Variants in PTPRT observed in about 807,000 individuals in gnomAD.
PTPRT encodes the protein receptor-type tyrosine-protein phosphatase T.
PTPRT carries 56 observed loss-of-function variants against 176.8 expected under a neutral mutation model. The observed-to-expected ratio is 0.32, with a 90% CI of 0.26 to 0.40. The LOEUF is 0.40. Among genes scored for constraint, PTPRT ranks in the 10% least tolerant of loss-of-function variants. The pLI is 1.00. For missense variants in PTPRT, 1,540 were observed against 1,908.2 expected (o/e 0.81, Z 3.60); for synonymous variants, 783 against 739.0 (o/e 1.06, Z -0.96).
At chr20:42,508,964 G>T (rs948185303) in intron 7 of PTPRT, among the ~76,000 whole-genome samples, 11 of 125,738 alleles carry the variant, frequency 8.7e-5, no homozygotes, top group East Asian at 4.8e-4. Context: ...TTAATTTATA[G>T]ATATAAATTA....
chr20:42,511,302 AAAT>A (rs879515656), intron 7 of PTPRT, among the ~76,000 whole-genome samples: 4 of 152,178 alleles, frequency 2.6e-5, no homozygotes, highest in Non-Finnish European at 5.9e-5. Flanking sequence ...CCTGTTCTGC[AAAT>A]AATAATAAAC....
intron 1 of PTPRT, among the ~76,000 whole-genome samples, chr20:42,932,433 T>A (rs1407946345): frequency 6.6e-6 from 1 of 152,180 alleles, no homozygotes; most frequent in African/African-American, 2.4e-5. Flanking sequence ...AGAACTAAGC[T>A]GCAGCCCAGA....
At position 43,084,784 on chromosome 20, in the gene PTPRT, G is replaced by T. The variant is rs370313440; in HGVS notation, c.88+104862C>A. Among the ~76,000 whole-genome samples, 14 of 152,142 alleles carry T rather than the reference G, an allele frequency of 9.2e-5. No homozygotes were observed. In the South Asian group the frequency reaches 2.9e-3, roughly 32 times the overall value. On this transcript the variant is annotated intron_variant, in intron 1 of 30. Transcript: ENST00000373187. ...TATGTATATACCATATCTTAAGGGA[G>T]AAAAAAGAACAAAAATATCAGAAGG...
intron 9 of PTPRT, among the ~76,000 whole-genome samples, chr20:42,416,597 C>T (rs2059068654): frequency 1.3e-5 from 2 of 152,180 alleles, no homozygotes; most frequent in Non-Finnish European, 2.9e-5. Flanking sequence ...TGCAACCTGG[C>T]CCTATGCATA....
intron 1 of PTPRT, among the ~76,000 whole-genome samples, chr20:43,162,918 T>C (rs2014737947): frequency 6.6e-6 from 1 of 152,192 alleles, no homozygotes; most frequent in Non-Finnish European, 1.5e-5. Flanking sequence ...ACCATCTCCG[T>C]ATGGTGATAG....
chr20:42,251,226 T>C (rs1484703533), intron 13 of PTPRT, among the ~76,000 whole-genome samples: 1 of 152,196 alleles, frequency 6.6e-6, no homozygotes, highest in Non-Finnish European at 1.5e-5. Context: ...GTGTGCCTGC[T>C]ACCAGGTCCT....
At chr20:43,026,581 C>T (rs1340180492) in intron 1 of PTPRT, among the ~76,000 whole-genome samples, 4 of 152,126 alleles carry the variant, frequency 2.6e-5, no homozygotes, top group African/African-American at 9.7e-5. Context: ...AAGCATTTAG[C>T]CTTTGTGTTA....
intron 1 of PTPRT, among the ~76,000 whole-genome samples, chr20:43,005,576 T>C (rs1984811051): frequency 1.3e-5 from 2 of 152,194 alleles, no homozygotes; most frequent in African/African-American, 2.4e-5. Context: ...GAATTGGCCA[T>C]ACTTTGTGCA....
intron 8 of PTPRT, among the ~76,000 whole-genome samples, chr20:42,470,809 G>A (rs571310503): frequency 1.3e-5 from 2 of 151,968 alleles, no homozygotes; most frequent in African/African-American, 4.8e-5. Context: ...CATGGGTAAG[G>A]ACAGAGAGGC....
At chr20:42,213,548 C>T (rs2055696709) in intron 15 of PTPRT, among the ~76,000 whole-genome samples, 1 of 152,174 alleles carries the variant, frequency 6.6e-6, no homozygotes, top group Non-Finnish European at 1.5e-5. Flanking sequence ...GTCAATGTTA[C>T]CTTATTTGGA....
intron 7 of PTPRT, among the ~76,000 whole-genome samples, chr20:42,656,798 A>C (rs1185096781): frequency 6.6e-6 from 1 of 152,218 alleles, no homozygotes; most frequent in Non-Finnish European, 1.5e-5. Flanking sequence ...TCTATATAAC[A>C]GTATATTAAG....
intron 2 of PTPRT, among the ~76,000 whole-genome samples, chr20:42,798,777 C>G (rs947024217): frequency 5.3e-5 from 8 of 152,056 alleles, no homozygotes; most frequent in African/African-American, 1.9e-4. Context: ...ATTTCATATG[C>G]AAATTTGTTA....
At chr20:43,158,461 G>A (rs2014588752) in intron 1 of PTPRT, among the ~76,000 whole-genome samples, 1 of 152,210 alleles carries the variant, frequency 6.6e-6, no homozygotes, top group African/African-American at 2.4e-5. Flanking sequence ...TTAGCATGGA[G>A]AAGGTCTTTA....
intron 7 of PTPRT, among the ~76,000 whole-genome samples, chr20:42,531,465 G>A (rs1430539625): frequency 2.6e-5 from 4 of 152,178 alleles, no homozygotes; most frequent in Non-Finnish European, 5.9e-5. Flanking sequence ...CCGACTCACT[G>A]GTGCTGGTTA....
intron 1 of PTPRT, among the ~76,000 whole-genome samples, chr20:42,971,735 A>G (rs973354001): frequency 6.6e-6 from 1 of 152,178 alleles, no homozygotes; most frequent in African/African-American, 2.4e-5. Flanking sequence ...GATCGCCAAC[A>G]CACAAGGTGA....
chr20:42,334,141 A>G (rs561426891), intron 11 of PTPRT, among the ~76,000 whole-genome samples: 1 of 152,214 alleles, frequency 6.6e-6, no homozygotes, highest in Admixed American at 6.6e-5. Context: ...AAAAAAGTCT[A>G]TTAAGACCCC....
intron 15 of PTPRT, among the ~76,000 whole-genome samples, chr20:42,202,093 C>T (rs774682716): frequency 1.7e-4 from 26 of 152,040 alleles, no homozygotes; most frequent in Non-Finnish European, 3.8e-4. Flanking sequence ...CCTCAGCCTC[C>T]AGAGTAGCTG....
chr20:42,822,677 G>T (rs1195971599), intron 2 of PTPRT, among the ~76,000 whole-genome samples: 1 of 151,916 alleles, frequency 6.6e-6, no homozygotes, highest in Non-Finnish European at 1.5e-5. Flanking sequence ...ATATCCACAA[G>T]TTACAAGGAA....
chr20:42,768,024 ACT>A (rs2145447917), intron 5 of PTPRT, among the ~76,000 whole-genome samples: 1 of 140,280 alleles, frequency 7.1e-6, no homozygotes, highest in Non-Finnish European at 1.5e-5. Context: ...ACACACACAC[ACT>A]GCTTCTCTGG....
Sources: allele counts gnomAD v4.1 joint callset (sites outside exome capture counted in the v4.1 genomes callset), GRCh38; gene constraint gnomAD v4.1.1; transcripts MANE v1.5; gene names NCBI Gene and HGNC (gene_info 2026-07-23, HGNC 2026-07-21).